IFT57: variants seen among roughly 807,000 people sequenced by gnomAD.
IFT57 encodes the protein intraflagellar transport 57.
In IFT57, 59 loss-of-function variants were observed where a neutral mutation model predicts 56.8. That is an observed-to-expected ratio of 1.04 (90% CI 0.84 to 1.29). IFT57 has a LOEUF of 1.29. Ranked by LOEUF, IFT57 falls within the 50% of genes most tolerant of loss-of-function variation. The pLI is 0.00. For synonymous variants in IFT57, 209 were observed against 186.1 expected (o/e 1.12, Z -1.00); for missense variants, 470 against 522.1 (o/e 0.90, Z 0.97).
At chr3:108,164,012 G>C (rs913183444) in intron 9 of IFT57, among the ~76,000 whole-genome samples, 3 of 152,084 alleles carry the variant, frequency 2.0e-5, no homozygotes, top group Admixed American at 1.3e-4. Context: ...TTAGTCACTA[G>C]ACACTCAAAC....
Position 108,192,847 on chromosome 3 carries a change from A to T in IFT57, c.655-1204T>A, listed in dbSNP as rs575374065. Among the ~76,000 whole-genome samples the T allele has an allele frequency of 2.0e-5, 3 of 152,122 alleles. No homozygotes were observed. The South Asian group carries it at 6.2e-4, about 32-fold the overall frequency. On this transcript the variant is annotated intron_variant, in intron 5 of 10. Transcript: ENST00000264538. ...GATATGACATGGCATGGTTTTTTTT[A>T]AAAGGGCCTTATAAGTTAGAAATAA...
In IFT57 at chr3:108,174,018, G is replaced by A. The variant is rs930564958; in HGVS notation, c.778-6154C>T. Among the ~76,000 whole-genome samples, 648 of 149,938 alleles carry A rather than the reference G, an allele frequency of 4.3e-3. 4 individuals are homozygous for A. The highest frequency in any genetic ancestry group is 0.015 in the African/African-American group (622 of 40,880). ...TTTGAGTGTGTGTGTGTGTGTGTGT[G>A]TGTGTGTGTGTGTGTGTGTGTGTGT... On this transcript the variant is annotated intron_variant, in intron 6 of 10. Coordinates refer to ENST00000264538, the MANE Select transcript of IFT57 (RefSeq NM_018010.4).
chr3:108,169,654 A>G (rs2108308958), intron 6 of IFT57, among the ~76,000 whole-genome samples: 1 of 152,080 alleles, frequency 6.6e-6, no homozygotes, highest in Non-Finnish European at 1.5e-5. Flanking sequence ...TCTTGAGCTA[A>G]TTTTTGTATA....
In IFT57 at chr3:108,196,709, G is replaced by A. The variant is rs76778102; in HGVS notation, c.655-5066C>T. ...CTCGTAGGCCATAATTAATATACTA[G>A]GGGAAATGGCCCAGTTGCTAAGTGA... On this transcript the variant is annotated intron_variant, in intron 5 of 10. Coordinates refer to ENST00000264538, the MANE Select transcript of IFT57 (RefSeq NM_018010.4). Among the ~76,000 whole-genome samples the A allele has an allele frequency of 1.1e-3, 167 of 152,216 alleles. 5 individuals are homozygous for A. In the East Asian group the frequency reaches 0.027, roughly 25 times the overall value.
At chr3:108,168,996 T>C (rs2080078003) in intron 6 of IFT57, among the ~76,000 whole-genome samples, 2 of 152,084 alleles carry the variant, frequency 1.3e-5, no homozygotes, top group African/African-American at 4.8e-5. Flanking sequence ...TTAAAAACCT[T>C]TGGGTATACA....
intron 4 of IFT57, among the ~76,000 whole-genome samples, chr3:108,213,201 T>C (rs2080352508): frequency 1.3e-5 from 2 of 152,142 alleles, no homozygotes; most frequent in South Asian, 2.1e-4. Context: ...AGTAAAGTTT[T>C]TGGGAGTCCA....
intron 6 of IFT57, among the ~76,000 whole-genome samples, chr3:108,171,005 G>A (rs2080089268): frequency 6.6e-6 from 1 of 151,826 alleles, no homozygotes; most frequent in South Asian, 2.1e-4. Context: ...ATGCAACTAG[G>A]CTATTTCTTC....
chr3:108,189,434 A>G lies in IFT57; in HGVS notation c.777+2087T>C, dbSNP rs1202329159. On this transcript the variant is annotated intron_variant, in intron 6 of 10. Coordinates refer to ENST00000264538, the MANE Select transcript of IFT57 (RefSeq NM_018010.4). The stretch of plus-strand genomic sequence containing the variant: ...CTAAGAATAAATTAGCTTCTAAGGC[A>G]TTCTGAAAACAGCAATGTTTGTAAG... Among the ~76,000 whole-genome samples the G allele has an allele frequency of 5.3e-5, 8 of 152,238 alleles. 1 individual carries two copies. Among genetic ancestry groups the G allele is most frequent in the Admixed American group, 5.2e-4 (8 of 15,280 alleles).
At chr3:108,203,066 C>A (rs1272401160) in intron 5 of IFT57, among the ~76,000 whole-genome samples, 4 of 152,234 alleles carry the variant, frequency 2.6e-5, no homozygotes, top group African/African-American at 9.6e-5. Flanking sequence ...TGCTGCTGAG[C>A]TTCAGAGAAT....
chr3:108,179,220 T>C (rs2080139561), intron 6 of IFT57, among the ~76,000 whole-genome samples: 1 of 151,752 alleles, frequency 6.6e-6, no homozygotes, highest in South Asian at 2.1e-4. Context: ...TTAGTTGCAG[T>C]GGTAGAAAGG....
At chr3:108,216,456 C>T (rs1023440724) in intron 3 of IFT57, among the ~76,000 whole-genome samples, 1 of 152,034 alleles carries the variant, frequency 6.6e-6, no homozygotes, top group African/African-American at 2.4e-5. Flanking sequence ...ATTACCCAAC[C>T]CCTCGCCCCC....
rs28539365 is a variant in IFT57 at position 108,192,197 on chromosome 3, G to A, written c.655-554C>T. 1.5e-3 allele frequency among the ~76,000 whole-genome samples: 215 copies of A among 140,040 alleles called. 2 individuals are homozygous for A. Among genetic ancestry groups the A allele is most frequent in the African/African-American group, 4.4e-3 (166 of 37,900 alleles). The allele number at this position is 140,040 out of a possible 152,430, so 91.9% of individuals were successfully genotyped here. On this transcript the variant is annotated intron_variant, in intron 5 of 10. Transcript: ENST00000264538. ...CTCAAAAAAAAAAAAAAAAAAAAAA[G>A]GGAAACACTTAAATTTATCACACTG...
chr3:108,199,676 C>T (rs888029504), intron 5 of IFT57, among the ~76,000 whole-genome samples: 4 of 152,288 alleles, frequency 2.6e-5, no homozygotes, highest in South Asian at 2.1e-4. Flanking sequence ...TTACTTAGTG[C>T]CCACTATGTT....
intron 5 of IFT57, among the ~76,000 whole-genome samples, chr3:108,203,617 A>G (rs1203997748): frequency 6.6e-6 from 1 of 152,222 alleles, no homozygotes; most frequent in African/African-American, 2.4e-5. Context: ...AAGTACAAAA[A>G]TAGCACATAT....
intron 10 of IFT57, 135 bp downstream of exon 10, chr3:108,163,528 T>G: frequency 1.6e-6 from 1 of 627,334 alleles, no homozygotes; most frequent in Non-Finnish European, 2.8e-6. Context: ...ATCAGACATT[T>G]TTGTACAATG....
chr3:108,207,213 A>C (rs1026357591), intron 4 of IFT57, among the ~76,000 whole-genome samples: 2 of 152,222 alleles, frequency 1.3e-5, no homozygotes, highest in African/African-American at 4.8e-5. Flanking sequence ...GGTTACCAGT[A>C]CTGGTTGGTC....
intron 10 of IFT57, 142 bp from the exon 11 acceptor site, chr3:108,162,797 GT>G: frequency 3.3e-6 from 2 of 609,900 alleles, no homozygotes; most frequent in South Asian, 6.7e-5. Context: ...CATTCACACA[GT>G]TTTGCTGTGG....
intron 4 of IFT57, among the ~76,000 whole-genome samples, chr3:108,213,185 G>A (rs62267893): frequency 0.021 from 3,197 of 152,198 alleles, 65 homozygotes; most frequent in Non-Finnish European, 0.028. Context: ...TCAACAGTAG[G>A]CTATTAGTAA....
intron 5 of IFT57, among the ~76,000 whole-genome samples, chr3:108,203,472 T>C (rs189372378): frequency 6.6e-6 from 1 of 152,194 alleles, no homozygotes; most frequent in Non-Finnish European, 1.5e-5. Context: ...CTTCTCAAGG[T>C]CTAGACTTCA....
Sources: gnomAD v4.1 joint callset for allele counts (sites outside exome capture counted in the v4.1 genomes callset) on GRCh38, gnomAD v4.1.1 for gene constraint, MANE v1.5 for transcripts, NCBI Gene and HGNC (gene_info 2026-07-23, HGNC 2026-07-21) for gene names.